The following ADAM23 variants were observed in gnomAD, a reference collection of about 807,000 sequenced individuals.
ADAM23 encodes disintegrin and metalloproteinase domain-containing protein 23.
In ADAM23, 33 loss-of-function variants were observed where a neutral mutation model predicts 120.1. The observed-to-expected ratio is 0.27, with a 90% CI of 0.21 to 0.37. ADAM23 has a LOEUF of 0.37. Among genes scored for constraint, ADAM23 ranks in the 10% least tolerant of loss-of-function variants. ADAM23 has a pLI of 1.00. For synonymous variants in ADAM23, 367 were observed against 375.2 expected (o/e 0.98, Z 0.25); for missense variants, 862 against 1,058.2 (o/e 0.81, Z 2.57).
intron 24 of ADAM23, among the ~76,000 whole-genome samples, chr2:206,599,584 T>C (rs1574558792): frequency 6.6e-6 from 1 of 152,342 alleles, no homozygotes; most frequent in East Asian, 1.9e-4. Flanking sequence ...TTGTTTTTGA[T>C]TGTCAGGTTA....
intron 2 of ADAM23, among the ~76,000 whole-genome samples, chr2:206,448,091 T>C (rs1001173484): frequency 2.0e-5 from 3 of 152,254 alleles, no homozygotes; most frequent in Non-Finnish European, 4.4e-5. Flanking sequence ...TCAAACAATG[T>C]TGAAAAATCT....
intron 3 of ADAM23, among the ~76,000 whole-genome samples, chr2:206,519,992 G>T (rs897915762): frequency 6.6e-6 from 1 of 152,190 alleles, no homozygotes; most frequent in Non-Finnish European, 1.5e-5. Context: ...TCTAGCCTGG[G>T]TAACAGAGCA....
chr2:206,526,442 A>G (rs1696950097), intron 3 of ADAM23, among the ~76,000 whole-genome samples: 1 of 152,314 alleles, frequency 6.6e-6, no homozygotes, highest in African/African-American at 2.4e-5. Context: ...ACACTGCGAT[A>G]TAGTGCAAGT....
At chr2:206,502,374 T>C (rs1192393646) in intron 3 of ADAM23, among the ~76,000 whole-genome samples, 1 of 151,998 alleles carries the variant, frequency 6.6e-6, no homozygotes, top group Non-Finnish European at 1.5e-5. Context: ...TTTAAAAGAG[T>C]TTTTTGTTTG....
At chr2:206,453,098 G>A (rs1263438096) in intron 2 of ADAM23, among the ~76,000 whole-genome samples, 1 of 152,188 alleles carries the variant, frequency 6.6e-6, no homozygotes, top group East Asian at 1.9e-4. Flanking sequence ...GAGAAGAACT[G>A]CTGCTTTCCT....
chr2:206,603,513 A>G (rs1698676899), intron 24 of ADAM23, among the ~76,000 whole-genome samples: 1 of 152,234 alleles, frequency 6.6e-6, no homozygotes, highest in Non-Finnish European at 1.5e-5. Flanking sequence ...GGGAGAGAGA[A>G]CAGGGAGGGT....
chr2:206,513,052 C>T (rs925508043), intron 3 of ADAM23, among the ~76,000 whole-genome samples: 3 of 152,132 alleles, frequency 2.0e-5, no homozygotes, highest in Non-Finnish European at 4.4e-5. Context: ...CATTCCCCTT[C>T]TCTCTCCCTC....
At chr2:206,483,112 GT>G (rs1695930855) in intron 3 of ADAM23, among the ~76,000 whole-genome samples, 1 of 152,182 alleles carries the variant, frequency 6.6e-6, no homozygotes, top group Non-Finnish European at 1.5e-5. Context: ...CAGAGGTCCT[GT>G]TCTCAGGAAG....
chr2:206,587,580 GA>G (rs5838034), intron 19 of ADAM23, among the ~76,000 whole-genome samples: 25 of 147,610 alleles, frequency 1.7e-4, no homozygotes, highest in African/African-American at 4.0e-4. Flanking sequence ...CAGATTAAGA[GA>G]AAAAAAAAAA....
chr2:206,505,494 G>A (rs1696478643), intron 3 of ADAM23, among the ~76,000 whole-genome samples: 1 of 152,150 alleles, frequency 6.6e-6, no homozygotes, highest in Admixed American at 6.5e-5. Flanking sequence ...GCATGGCTGG[G>A]GAGGCCTCAG....
At chr2:206,490,432 A>G (rs1452570996) in intron 3 of ADAM23, among the ~76,000 whole-genome samples, 1 of 152,198 alleles carries the variant, frequency 6.6e-6, no homozygotes, top group African/African-American at 2.4e-5. Context: ...TGTCCCTTAT[A>G]CTATGATTTT....
chr2:206,444,952 C>G (rs1177534937), intron 1 of ADAM23, among the ~76,000 whole-genome samples: 7 of 152,074 alleles, frequency 4.6e-5, no homozygotes, highest in African/African-American at 1.7e-4. Flanking sequence ...GGGCAGGACC[C>G]CTGAACATGT....
At position 206,495,234 on chromosome 2, in the gene ADAM23, T is replaced by A. The variant is rs566052318; in HGVS notation, c.509+13926T>A. ...AAAGTTGAAATGAAGGAAAAAATGT[T>A]AAGGGCAGCCAGAGAGAAAGGTCAG... On this transcript the variant is annotated intron_variant, in intron 3 of 25. Coordinates refer to ENST00000264377, the MANE Select transcript of ADAM23 (RefSeq NM_003812.4). 6.6e-5 allele frequency among the ~76,000 whole-genome samples: 10 copies of A among 152,216 alleles called. No homozygotes were observed. The East Asian group carries it at 1.5e-3, about 24-fold the overall frequency.
intron 4 of ADAM23, among the ~76,000 whole-genome samples, chr2:206,533,633 A>G (rs1343954498): frequency 5.9e-5 from 9 of 152,250 alleles, no homozygotes; most frequent in Non-Finnish European, 1.3e-4. Context: ...GTGGATATTG[A>G]CAGCATCCCA....
chr2:206,580,449 G>A (rs1698200992), intron 18 of ADAM23, among the ~76,000 whole-genome samples: 1 of 152,120 alleles, frequency 6.6e-6, no homozygotes, highest in African/African-American at 2.4e-5. Context: ...TTTGTCAAAT[G>A]CTTTTTCTGC....
intron 18 of ADAM23, among the ~76,000 whole-genome samples, chr2:206,578,202 A>G (rs577501429): frequency 6.3e-4 from 96 of 151,956 alleles, no homozygotes; most frequent in Non-Finnish European, 1.0e-3. Flanking sequence ...TTACAAATCT[A>G]TTTATTTATT....
chr2:206,574,883 CTTTA>C (rs1698081706), intron 18 of ADAM23, among the ~76,000 whole-genome samples: 1 of 152,088 alleles, frequency 6.6e-6, no homozygotes, highest in African/African-American at 2.4e-5. Flanking sequence ...CATATTATGT[CTTTA>C]TTTGTCATTC....
rs1390144945 is a variant in ADAM23, at chr2:206,491,196, G to C, written c.509+9888G>C. On this transcript the variant is annotated intron_variant, in intron 3 of 25. Transcript: ENST00000264377. ...TGCCTATTAACAATAATTATTGTGA[G>C]TGACTGGGACCCAGGGAGATTAAGC... is the stretch of plus-strand genomic sequence containing the variant. Among the ~76,000 whole-genome samples the C allele has an allele frequency of 2.0e-5, 3 of 152,016 alleles. No homozygotes were observed. In the South Asian group the frequency reaches 6.2e-4, roughly 32 times the overall value.
At chr2:206,531,773 T>G (rs1392682683) in intron 4 of ADAM23, among the ~76,000 whole-genome samples, 1 of 152,130 alleles carries the variant, frequency 6.6e-6, no homozygotes, top group Non-Finnish European at 1.5e-5. Context: ...TCACTGGATT[T>G]TTGTTTGTCT....
Sources: allele counts gnomAD v4.1 joint callset (sites outside exome capture counted in the v4.1 genomes callset), GRCh38; gene constraint gnomAD v4.1.1; transcripts MANE v1.5; gene names NCBI Gene and HGNC (gene_info 2026-07-23, HGNC 2026-07-21).